The following EXT1 variants were observed in gnomAD, a reference collection of about 807,000 sequenced individuals.
EXT1 encodes the protein exostosin glycosyltransferase 1.
EXT1 carries 20 observed loss-of-function variants against 82.5 expected under a neutral mutation model. The observed-to-expected ratio is 0.24, with a 90% CI of 0.17 to 0.35. EXT1 has a LOEUF of 0.35. Ranked by LOEUF, EXT1 falls within the 10% of genes least tolerant of loss-of-function variation. The probability of loss-of-function intolerance (pLI) is 1.00; values close to 1 mark genes in which losing one functional copy is unlikely to be tolerated. For missense variants in EXT1, 757 were observed against 936.5 expected, an observed-to-expected ratio of 0.81 and a Z score of 2.50; for synonymous variants, 348 against 350.8, an observed-to-expected ratio of 0.99 and a Z score of 0.09.
At chr8:118,070,717 C>A (rs1055497120) in intron 1 of EXT1, among the ~76,000 whole-genome samples, 2 of 152,116 alleles carry the variant, frequency 1.3e-5, no homozygotes, top group Non-Finnish European at 2.9e-5. Flanking sequence ...ATTAGAATCA[C>A]AAGAATAGCA....
At chr8:117,852,357 A>T (rs1348715552) in intron 1 of EXT1, among the ~76,000 whole-genome samples, 3 of 152,204 alleles carry the variant, frequency 2.0e-5, no homozygotes, top group African/African-American at 7.2e-5. Flanking sequence ...TGTGCCTGAC[A>T]TGGGGAGAGA....
At chr8:118,092,851 A>AT (rs140778196) in intron 1 of EXT1, among the ~76,000 whole-genome samples, 2,022 of 152,328 alleles carry the variant, frequency 0.013, 18 homozygotes, top group South Asian at 0.021. Context: ...TCACTAGGCC[A>AT]TTTGTAAAAC....
At position 117,868,701 on chromosome 8, in the gene EXT1, C is replaced by T. The variant is rs1209759994; in HGVS notation, c.963-31500G>A. On this transcript the variant is annotated intron_variant, in intron 1 of 10. Coordinates refer to ENST00000378204, the MANE Select transcript of EXT1 (RefSeq NM_000127.3). The stretch of plus-strand genomic sequence containing the variant: ...CTGGGCTCAAGCAATCCTCTCACCT[C>T]GGCCTCCCAAAGTGCTGGGATTAGA... 4.6e-5 allele frequency among the ~76,000 whole-genome samples: 7 copies of T among 152,226 alleles called. No individual in the cohort carries two copies. The South Asian group carries it at 6.2e-4, about 14-fold the overall frequency.
intron 1 of EXT1, among the ~76,000 whole-genome samples, chr8:118,030,021 T>C (rs1816278235): frequency 1.3e-5 from 2 of 152,208 alleles, no homozygotes; most frequent in Admixed American, 6.5e-5. Flanking sequence ...TTGAGAATGA[T>C]ATTTATCCAG....
intron 4 of EXT1, among the ~76,000 whole-genome samples, chr8:117,826,570 A>G (rs1160570189): frequency 2.0e-5 from 3 of 152,180 alleles, no homozygotes; most frequent in African/African-American, 7.2e-5. Context: ...TGTTATTTGT[A>G]TCTGTGGATG....
intron 1 of EXT1, among the ~76,000 whole-genome samples, chr8:117,928,620 T>C (rs952182184): frequency 2.0e-5 from 3 of 152,174 alleles, no homozygotes; most frequent in East Asian, 1.9e-4. Flanking sequence ...ACCTGGAACA[T>C]AGCAATTGAA....
rs527323240 is a variant in EXT1, at chr8:117,909,156, T to C, written c.963-71955A>G. 9.2e-5 allele frequency among the ~76,000 whole-genome samples: 14 copies of C among 151,932 alleles called. No individual in the cohort carries two copies. The South Asian group carries it at 2.7e-3, about 29-fold the overall frequency. ...CAAAAAAAAAAGAGAAAAGCTGCTA[T>C]AGATGAATAACTTGGTGTCATGGCT... On this transcript the variant is annotated intron_variant, in intron 1 of 10. Transcript: ENST00000378204.
At chr8:117,990,264 C>T (rs1563622577) in intron 1 of EXT1, among the ~76,000 whole-genome samples, 1 of 152,160 alleles carries the variant, frequency 6.6e-6, no homozygotes, top group African/African-American at 2.4e-5. Flanking sequence ...AAGACAGAAG[C>T]AATTAAGAAA....
intron 1 of EXT1, among the ~76,000 whole-genome samples, chr8:117,942,069 C>T (rs1428828894): frequency 6.6e-6 from 1 of 152,220 alleles, no homozygotes; most frequent in African/African-American, 2.4e-5. Context: ...TCACCTGCTG[C>T]TACCGTCTTA....
intron 1 of EXT1, among the ~76,000 whole-genome samples, chr8:117,915,086 C>T (rs1813721909): frequency 6.6e-6 from 1 of 152,142 alleles, no homozygotes; most frequent in Admixed American, 6.5e-5. Context: ...TGATGTCACC[C>T]CCAGCAGCCC....
At chr8:118,085,706 CGT>C (rs1563651423) in intron 1 of EXT1, among the ~76,000 whole-genome samples, 2 of 150,744 alleles carry the variant, frequency 1.3e-5, no homozygotes, top group African/African-American at 4.9e-5. Context: ...CTATGTTACT[CGT>C]GTGTGTGACG....
At chr8:118,073,629 A>T (rs1817140125) in intron 1 of EXT1, among the ~76,000 whole-genome samples, 1 of 124,286 alleles carries the variant, frequency 8.0e-6, no homozygotes, top group Non-Finnish European at 1.6e-5. Flanking sequence ...AGAAGAGAAG[A>T]GAAAGAAGAG....
chr8:118,103,762 A>G (rs974881642), intron 1 of EXT1, among the ~76,000 whole-genome samples: 1 of 152,196 alleles, frequency 6.6e-6, no homozygotes, highest in Non-Finnish European at 1.5e-5. Context: ...ACCCTAGGAG[A>G]GAATTACAAG....
chr8:117,939,562 T>TC (rs1476391160), intron 1 of EXT1, among the ~76,000 whole-genome samples: 1 of 120,620 alleles, frequency 8.3e-6, no homozygotes, highest in Non-Finnish European at 1.7e-5. Flanking sequence ...AGAGTGAAAC[T>TC]CCATCTCTGA....
intron 1 of EXT1, among the ~76,000 whole-genome samples, chr8:118,008,403 A>G (rs57174831): frequency 0.02 from 2,969 of 151,816 alleles, 116 homozygotes; most frequent in African/African-American, 0.068. Flanking sequence ...GGGATTATAG[A>G]CGCCCACCAC....
intron 1 of EXT1, among the ~76,000 whole-genome samples, chr8:117,904,358 G>A (rs942675843): frequency 2.0e-5 from 3 of 152,250 alleles, no homozygotes; most frequent in Admixed American, 6.5e-5. Flanking sequence ...GAAGGTAAAC[G>A]CAGGCAGCTA....
In EXT1 at chr8:117,953,885, G is replaced by A. The variant is rs1349057029; in HGVS notation, c.963-116684C>T. On this transcript the variant is annotated intron_variant, in intron 1 of 10. Transcript: ENST00000378204. ...AGATCGCACCACTGCACTCCAGCCT[G>A]GGGGACAGAGCAAGACTCCACCTCA... is the stretch of plus-strand genomic sequence containing the variant. Among the ~76,000 whole-genome samples the A allele has an allele frequency of 2.7e-4, 41 of 151,898 alleles. 1 individual carries two copies. Among genetic ancestry groups the A allele is most frequent in the Admixed American group, 2.7e-3 (41 of 15,232 alleles).
At chr8:118,080,593 G>A (rs1197562800) in intron 1 of EXT1, among the ~76,000 whole-genome samples, 2 of 151,810 alleles carry the variant, frequency 1.3e-5, no homozygotes, top group African/African-American at 2.4e-5. Flanking sequence ...GCAGGCGTTG[G>A]GCATAATCAA....
intron 4 of EXT1, among the ~76,000 whole-genome samples, chr8:117,823,243 T>C (rs944755380): frequency 1.3e-5 from 2 of 152,170 alleles, no homozygotes; most frequent in Admixed American, 6.5e-5. Context: ...ACAAGAACCA[T>C]GGCATATGAA....
Sources: gnomAD v4.1 joint callset for allele counts (sites outside exome capture counted in the v4.1 genomes callset) on GRCh38, gnomAD v4.1.1 for gene constraint, MANE v1.5 for transcripts, NCBI Gene and HGNC (gene_info 2026-07-23, HGNC 2026-07-21) for gene names.